IL17B: variants seen among roughly 807,000 people sequenced by gnomAD.
IL17B encodes the protein interleukin 17B, also known as interleukin-17B.
IL17B carries 14 observed loss-of-function variants against 14.7 expected under a neutral mutation model. The observed-to-expected ratio is 0.95, with a 90% CI of 0.63 to 1.49. The LOEUF is 1.49. IL17B is among the 40% of genes most tolerant of loss of function. The pLI, the probability that IL17B is intolerant of heterozygous loss-of-function variation, is 0.00. For missense variants in IL17B, 233 were observed against 252.8 expected (o/e 0.92, Z 0.53); for synonymous variants, 105 against 94.8 (o/e 1.11, Z -0.62).
At chr5:149,375,771 T>G (rs1212050619) in intron 2 of IL17B, among the ~76,000 whole-genome samples, 1 of 151,886 alleles carries the variant, frequency 6.6e-6, no homozygotes, top group East Asian at 1.9e-4. Flanking sequence ...TCCCAGCTAC[T>G]GGGAGGCTGA....
At chr5:149,399,486 T>A (rs1759166285) in intron 1 of IL17B, among the ~76,000 whole-genome samples, 1 of 141,296 alleles carries the variant, frequency 7.1e-6, no homozygotes, top group Non-Finnish European at 1.5e-5. Flanking sequence ...AAGACAATTA[T>A]CTTTTTTTTT....
rs1310368315 is a variant in IL17B, at chr5:149,374,576, G to A, written c.336C>T (p.Ile112=). ...GYSINHDPSR[I]PVDLPEARCL... is the part of the protein sequence containing the mutation. ...ACCGTGCCTCCGGCAGGTCCACGGG[G>A]ATACGGCTGGGGTCGTGGTTGATGC... The change falls in exon 3 of 3, where the codon ATC becomes ATT. Residue 112 remains isoleucine, a synonymous_variant. Transcript: ENST00000261796. This position sits in a 1 kb window ranked among gnomAD's most constrained non-coding sequence, Gnocchi z 5.0. 3 of 1,612,322 alleles carry A rather than the reference G, an allele frequency of 1.9e-6. No individual in the cohort carries two copies. Among genetic ancestry groups the A allele is most frequent in the South Asian group, 1.1e-5 (1 of 91,048 alleles).
At chr5:149,392,149 C>T (rs1463657156) in intron 1 of IL17B, among the ~76,000 whole-genome samples, 1 of 152,230 alleles carries the variant, frequency 6.6e-6, no homozygotes, top group Non-Finnish European at 1.5e-5. Flanking sequence ...TTTGATCCAA[C>T]AATCGCTCTT....
At chr5:149,400,111 A>C (rs1385924797) in intron 1 of IL17B, among the ~76,000 whole-genome samples, 2 of 152,160 alleles carry the variant, frequency 1.3e-5, no homozygotes, top group East Asian at 3.9e-4. Context: ...TCAACACCTC[A>C]GAATTTGACC....
chr5:149,376,864 C>T lies in IL17B; in HGVS notation c.183G>A (p.Glu61=), dbSNP rs747163905. The change falls in exon 2 of 3, where the codon GAG becomes GAA. Residue 61 remains glutamate (E), a synonymous_variant. Transcript: ENST00000261796. The part of the protein sequence containing the change: ...SRMKPYARME[E]YERNIEEMVA... The stretch of plus-strand genomic sequence containing the variant: ...CCATCTCCTCGATGTTCCTCTCATA[C>T]TCCTCCATGCGGGCATACGGTTTCA... 17 of 1,614,074 alleles carry T rather than the reference C, an allele frequency of 1.1e-5. No homozygotes were observed. The African/African-American group carries it at 1.3e-4, about 13-fold the overall frequency.
At chr5:149,381,133 A>G (rs976854209), upstream of IL17B, among the ~76,000 whole-genome samples, 1 of 152,220 alleles carries the variant, frequency 6.6e-6, no homozygotes, top group Non-Finnish European at 1.5e-5. Context: ...ACAGTGGCAA[A>G]CTGAAAGATG....
rs2227446 is a variant in IL17B at position 149,379,195 on chromosome 5, C to T, written c.21+10G>A. On this transcript the variant is annotated intron_variant, in intron 1 of 2. Coordinates refer to ENST00000261796, the MANE Select transcript of IL17B (RefSeq NM_014443.3). ...AAGGGGTGGGGGTGCGGCAGGGAAG[C>T]GCCACGTACCAGGTTGTGAGGCCAG... The T allele has an allele frequency of 4.4e-3, 7,028 of 1,613,960 alleles. 189 individuals carry two copies. In the African/African-American group the frequency reaches 0.065, roughly 15 times the overall value.
chr5:149,382,234 G>C (rs1758717290), upstream of IL17B, among the ~76,000 whole-genome samples: 5 of 152,168 alleles, frequency 3.3e-5, no homozygotes, highest in South Asian at 1.0e-3. Flanking sequence ...TGTTGATGAG[G>C]ACCAGAGCCT....
At chr5:149,384,942 T>C (rs1172456858) in intron 1 of IL17B, among the ~76,000 whole-genome samples, 1 of 148,088 alleles carries the variant, frequency 6.8e-6, no homozygotes, top group African/African-American at 2.5e-5. Flanking sequence ...GGAGTCTCGC[T>C]CTGTAGCCCA....
chr5:149,376,599 G>T, intron 2 of IL17B, 137 bp downstream of exon 2: 1 of 1,137,990 alleles, frequency 8.8e-7, no homozygotes, highest in Non-Finnish European at 1.2e-6. Flanking sequence ...AAGCCTCACA[G>T]GCAAGTAAGA....
intron 1 of IL17B, among the ~76,000 whole-genome samples, chr5:149,386,440 C>G (rs1758830149): frequency 6.6e-6 from 1 of 152,172 alleles, no homozygotes; most frequent in Non-Finnish European, 1.5e-5. Flanking sequence ...CTCCTGACCC[C>G]TAGAAAACTC....
chr5:149,395,446 T>C (rs1368465600), intron 1 of IL17B, among the ~76,000 whole-genome samples: 6 of 152,194 alleles, frequency 3.9e-5, no homozygotes, highest in Non-Finnish European at 7.3e-5. Flanking sequence ...CACCCACTCA[T>C]ATACAGACCA....
upstream of IL17B, among the ~76,000 whole-genome samples, chr5:149,380,281 A>G (rs1758656451): frequency 6.6e-6 from 1 of 152,254 alleles, no homozygotes; most frequent in South Asian, 2.1e-4. Flanking sequence ...GAAATCACCT[A>G]TGTTAAATAG....
intron 1 of IL17B, among the ~76,000 whole-genome samples, chr5:149,400,915 C>T (rs1347745928): frequency 4.6e-5 from 7 of 152,170 alleles, no homozygotes; most frequent in Non-Finnish European, 1.0e-4. Flanking sequence ...CCCTCCTCCA[C>T]CCTTTTGTTC....
intron 1 of IL17B, among the ~76,000 whole-genome samples, chr5:149,386,837 C>G (rs1758836211): frequency 6.6e-6 from 1 of 152,174 alleles, no homozygotes; most frequent in Non-Finnish European, 1.5e-5. Flanking sequence ...TCCCAAGTAG[C>G]TGAGGTTACA....
chr5:149,379,573 G>A (rs1033772545), upstream of IL17B, among the ~76,000 whole-genome samples: 4 of 152,358 alleles, frequency 2.6e-5, no homozygotes, highest in East Asian at 5.8e-4. Context: ...CACAGGGCCA[G>A]CTAAGACAAT....
chr5:149,400,598 C>T (rs1236087647), intron 1 of IL17B, among the ~76,000 whole-genome samples: 1 of 152,226 alleles, frequency 6.6e-6, no homozygotes, highest in South Asian at 2.1e-4. Context: ...GGAGCTCCCC[C>T]TCCAGAGTCC....
chr5:149,395,999 GC>G (rs1759086286), intron 1 of IL17B, among the ~76,000 whole-genome samples: 1 of 152,176 alleles, frequency 6.6e-6, no homozygotes, highest in African/African-American at 2.4e-5. Context: ...ACCACACCTG[GC>G]CCATATTTTT....
At chr5:149,388,234 G>A (rs1475053362) in intron 1 of IL17B, among the ~76,000 whole-genome samples, 1 of 152,232 alleles carries the variant, frequency 6.6e-6, no homozygotes, top group Non-Finnish European at 1.5e-5. Context: ...CCCCAGCAGT[G>A]TGCTCTTAGA....
Sources: allele counts gnomAD v4.1 joint callset (sites outside exome capture counted in the v4.1 genomes callset), GRCh38; gene constraint gnomAD v4.1.1; non-coding constraint Gnocchi (gnomAD v3.1); transcripts MANE v1.5; gene names NCBI Gene and HGNC (gene_info 2026-07-23, HGNC 2026-07-21).